STMND1: variants seen among roughly 807,000 people sequenced by gnomAD.
STMND1 encodes stathmin domain-containing protein 1.
STMND1 carries 17 observed loss-of-function variants against 23.0 expected under a neutral mutation model. The observed-to-expected ratio is 0.74, with a 90% CI of 0.51 to 1.11. STMND1 has a LOEUF of 1.11. STMND1 is among the 50% of genes least tolerant of loss of function. The pLI is 0.00. For missense variants in STMND1, 305 were observed against 329.1 expected, an observed-to-expected ratio of 0.93 and a Z score of 0.57; for synonymous variants, 114 against 119.9, an observed-to-expected ratio of 0.95 and a Z score of 0.32.
intron 1 of STMND1, among the ~76,000 whole-genome samples, chr6:17,106,310 T>C (rs1478580434): frequency 3.9e-5 from 6 of 152,212 alleles, no homozygotes; most frequent in Non-Finnish European, 2.9e-5. Context: ...TGTTTCTATA[T>C]TTGCCTTTCA....
At position 17,115,054 on chromosome 6, in the gene STMND1, G is replaced by A; in HGVS notation, c.174G>A (p.Leu58=). ...ATACTGTGGACATTGCAGAAGGCCT[G>A]GAACAAGTCCAGATGGGAAGCTTAC... ...TKNTVDIAEG[L]EQVQMGSLPG... Residue 58 remains leucine (L), a synonymous_variant, in exon 2 of 5, where the codon CTG becomes CTA. Transcript: ENST00000536551. 1 of 1,535,866 alleles carries A rather than the reference G, an allele frequency of 6.5e-7. No homozygotes were observed.
At chr6:17,117,433 G>T (rs1222485762) in intron 2 of STMND1, among the ~76,000 whole-genome samples, 1 of 152,028 alleles carries the variant, frequency 6.6e-6, no homozygotes. Flanking sequence ...TTTGTCAATT[G>T]TCTCACAACT....
At chr6:17,116,741 G>A (rs901095670) in intron 2 of STMND1, among the ~76,000 whole-genome samples, 1 of 152,232 alleles carries the variant, frequency 6.6e-6, no homozygotes, top group East Asian at 1.9e-4. Context: ...CACCTGCAGA[G>A]TATATTTCTT....
chr6:17,126,458 C>G (rs1170225537), intron 3 of STMND1, among the ~76,000 whole-genome samples: 2 of 152,192 alleles, frequency 1.3e-5, no homozygotes, highest in African/African-American at 4.8e-5. Context: ...AACTACTGAT[C>G]TCAGAATTTT....
At chr6:17,125,234 G>T (rs4083531) in intron 3 of STMND1, among the ~76,000 whole-genome samples, 48,332 of 151,560 alleles carry the variant, frequency 0.32, 7,890 homozygotes, top group Middle Eastern at 0.34. Flanking sequence ...GATTGTTGAG[G>T]GAATCTTTCA....
intron 1 of STMND1, among the ~76,000 whole-genome samples, chr6:17,112,795 G>T (rs1761111068): frequency 6.6e-6 from 1 of 152,038 alleles, no homozygotes; most frequent in African/African-American, 2.4e-5. Context: ...AAGAGAAAAA[G>T]AAATTTCTGG....
chr6:17,104,809 A>G (rs1760996668), intron 1 of STMND1, among the ~76,000 whole-genome samples: 1 of 152,102 alleles, frequency 6.6e-6, no homozygotes, highest in Admixed American at 6.6e-5. Context: ...TGATTTCTAG[A>G]TTTATTATTT....
In STMND1 at chr6:17,120,690, C is replaced by A; in HGVS notation, c.343C>A (p.Leu115Ile). The change falls in exon 3 of 5, where the codon CTA becomes ATA. Residue 115 changes from leucine (L) to isoleucine (I), a missense_variant. By Grantham distance (5) the Leu-to-Ile change is conservative. Coordinates refer to ENST00000536551, the MANE Select transcript of STMND1 (RefSeq NM_001190766.2). ...GAAGTCATCAGATATCCTGGAGGAA[C>A]TAATTGTTCAAGGAATTATACAAAG... ...RQKSSDILEE[L>I]IVQGIIQSHS... 6.5e-7 allele frequency: 1 copy of A among 1,535,058 alleles called. No individual in the cohort carries two copies. The highest frequency in any genetic ancestry group is 8.7e-7 in the Non-Finnish European group (1 of 1,146,336).
intron 1 of STMND1, among the ~76,000 whole-genome samples, chr6:17,114,577 T>A (rs1461834404): frequency 1.3e-5 from 2 of 152,204 alleles, no homozygotes; most frequent in African/African-American, 4.8e-5. Context: ...CATTAGATTC[T>A]TACAAGGAGT....
chr6:17,128,285 A>T (rs1761335923), intron 3 of STMND1: 1 of 152,214 alleles, frequency 6.6e-6, no homozygotes, highest in Non-Finnish European at 1.5e-5. Context: ...CCCCGCTGTC[A>T]TGAAAATGTT....
intron 3 of STMND1, among the ~76,000 whole-genome samples, chr6:17,126,372 C>A (rs1051263954): frequency 6.6e-6 from 1 of 151,936 alleles, no homozygotes; most frequent in African/African-American, 2.4e-5. Flanking sequence ...GGATTAACTT[C>A]CTCTGTGGGG....
At chr6:17,114,531 G>A (rs1761132917) in intron 1 of STMND1, among the ~76,000 whole-genome samples, 1 of 152,212 alleles carries the variant, frequency 6.6e-6, no homozygotes, top group Admixed American at 6.5e-5. Context: ...CTCCCAAAGT[G>A]CTGGGATTAC....
chr6:17,128,039 T>TG, intron 3 of STMND1: 1 of 152,176 alleles, frequency 6.6e-6, no homozygotes, highest in East Asian at 1.9e-4. Context: ...GGACTGGGAT[T>TG]GGGGGCCATG....
intron 1 of STMND1, among the ~76,000 whole-genome samples, chr6:17,110,292 G>A (rs1190174059): frequency 6.6e-6 from 1 of 152,160 alleles, no homozygotes; most frequent in African/African-American, 2.4e-5. Context: ...ACCAAGGCAG[G>A]AGGATTGCTT....
At chr6:17,104,998 T>C (rs1270912472) in intron 1 of STMND1, among the ~76,000 whole-genome samples, 1 of 152,204 alleles carries the variant, frequency 6.6e-6, no homozygotes, top group Admixed American at 6.5e-5. Flanking sequence ...GTACTGAACA[T>C]GTATAGACTT....
intron 3 of STMND1, among the ~76,000 whole-genome samples, chr6:17,123,128 G>A (rs1266504443): frequency 6.6e-6 from 1 of 152,132 alleles, no homozygotes; most frequent in Non-Finnish European, 1.5e-5. Flanking sequence ...TGCCAGAGAT[G>A]AATGAGTTCT....
intron 3 of STMND1, among the ~76,000 whole-genome samples, chr6:17,127,699 C>T (rs1761327125): frequency 2.6e-5 from 4 of 152,148 alleles, no homozygotes; most frequent in Admixed American, 2.6e-4. Flanking sequence ...GCATTATAGT[C>T]TGGAGAAACA....
chr6:17,112,685 G>A (rs1201306288), intron 1 of STMND1, among the ~76,000 whole-genome samples: 1 of 152,158 alleles, frequency 6.6e-6, no homozygotes, highest in Non-Finnish European at 1.5e-5. Flanking sequence ...GCTGAGGCAG[G>A]AGAATGGCGT....
chr6:17,110,755 A>C, intron 1 of STMND1: 1 of 454,710 alleles, frequency 2.2e-6, no homozygotes. Context: ...GTGACAGAGC[A>C]AGACTCTGTC....
Sources: allele counts gnomAD v4.1 joint callset (sites outside exome capture counted in the v4.1 genomes callset), GRCh38; gene constraint gnomAD v4.1.1; transcripts MANE v1.5; gene names NCBI Gene and HGNC (gene_info 2026-07-23, HGNC 2026-07-21).